ALDH18A1: variants seen among roughly 807,000 people sequenced by gnomAD.
ALDH18A1 encodes delta-1-pyrroline-5-carboxylate synthase.
A neutral mutation model predicts 88.8 loss-of-function variants in ALDH18A1; 44 were observed. The ratio of observed to expected loss-of-function variants is 0.50; its 90% CI spans 0.39 to 0.64. ALDH18A1 has a LOEUF of 0.64. Among genes scored for constraint, ALDH18A1 ranks in the 30% least tolerant of loss-of-function variants. The pLI, the probability that ALDH18A1 is intolerant of heterozygous loss-of-function variation, is 0.00. For missense variants in ALDH18A1, 782 were observed against 1,009.5 expected, an observed-to-expected ratio of 0.77 and a Z score of 3.05; for synonymous variants, 331 against 372.1, an observed-to-expected ratio of 0.89 and a Z score of 1.27.
At chr10:95,626,896 G>T in intron 9 of ALDH18A1, 120 bp from the exon 10 acceptor site, 1 of 994,556 alleles carries the variant, frequency 1.0e-6, no homozygotes, top group Non-Finnish European at 1.6e-6. Flanking sequence ...AGGAACACAT[G>T]ATGTCTTGGT....
intron 3 of ALDH18A1, among the ~76,000 whole-genome samples, chr10:95,639,227 A>G (rs1218584710): frequency 6.6e-6 from 1 of 152,158 alleles, no homozygotes; most frequent in Non-Finnish European, 1.5e-5. Flanking sequence ...GCTACTCAGG[A>G]GGCTGAAGAA....
At chr10:95,633,760 A>G in intron 5 of ALDH18A1, 111 bp from the exon 6 acceptor site, 1 of 1,041,188 alleles carries the variant, frequency 9.6e-7, no homozygotes, top group Non-Finnish European at 1.4e-6. Flanking sequence ...CTGGGGCCCC[A>G]CACAGATTAG....
In ALDH18A1 at chr10:95,606,726, A is replaced by G. The variant is rs757587417; in HGVS notation, c.*36T>C. The G allele has an allele frequency of 5.0e-6, 8 of 1,613,918 alleles. 1 individual carries two copies. The South Asian group carries it at 8.8e-5, about 18-fold the overall frequency. Reference sequence around the variant, plus strand: ...GAGATAAGACAAGTTTAACGTGAAGACCTTTTGGAAAATTCCCGGGTTTTC... The same window carrying G: ...GAGATAAGACAAGTTTAACGTGAAGGCCTTTTGGAAAATTCCCGGGTTTTC... On this transcript the variant is annotated 3_prime_UTR_variant, in exon 18 of 18. Coordinates refer to ENST00000371224, the MANE Select transcript of ALDH18A1 (RefSeq NM_002860.4).
At chr10:95,626,267 C>T (rs1015323856) in intron 10 of ALDH18A1, among the ~76,000 whole-genome samples, 2 of 152,140 alleles carry the variant, frequency 1.3e-5, no homozygotes. Flanking sequence ...CACTTCCAGC[C>T]TCATCATGTC....
intron 10 of ALDH18A1, 54 bp from the exon 11 acceptor site, chr10:95,625,509 C>T: frequency 1.4e-6 from 2 of 1,464,092 alleles, no homozygotes; most frequent in Non-Finnish European, 1.9e-6. Flanking sequence ...AAGAAGAATG[C>T]ACACCACAGT....
intron 2 of ALDH18A1, among the ~76,000 whole-genome samples, chr10:95,650,278 G>A (rs917696201): frequency 6.6e-6 from 1 of 152,172 alleles, no homozygotes; most frequent in East Asian, 1.9e-4. Context: ...CCTCTTAAGA[G>A]AATAAAATGA....
intron 17 of ALDH18A1, among the ~76,000 whole-genome samples, chr10:95,608,125 T>C (rs10786227): frequency 0.38 from 58,314 of 152,164 alleles, 12,880 homozygotes; most frequent in Admixed American, 0.5. Flanking sequence ...GTAAAATCTG[T>C]TACTGTCATT....
rs1033773992 is a variant in ALDH18A1 at position 95,627,553 on chromosome 10, T to C, written c.967A>G (p.Thr323Ala). The C allele has an allele frequency of 3.1e-6, 5 of 1,614,032 alleles. No homozygotes were observed. In the Admixed American group the frequency reaches 6.7e-5, roughly 22 times the overall value. ...KAALWALQGG[T>A]SVVIANGTHP... is the part of the protein sequence containing the mutation. ...GTTCCATTGGCAATAACAACAGAAGTGCCACCTTGCAAAGCCCAGAGGGCT... is the reference window on the plus strand; with the variant it reads ...GTTCCATTGGCAATAACAACAGAAGCGCCACCTTGCAAAGCCCAGAGGGCT... The change falls in exon 9 of 18, where the codon ACT becomes GCT. Residue 323 changes from threonine (T) to alanine (A), a missense_variant. Thr to Ala is a moderately conservative substitution (Grantham distance 58). Around this residue, in one of 3 missense-constraint regions of ALDH18A1, gnomAD observed 556 missense variants for 654.5 expected, o/e 0.85. Coordinates refer to ENST00000371224, the MANE Select transcript of ALDH18A1 (RefSeq NM_002860.4).
chr10:95,608,660 C>T (rs1351335521), intron 17 of ALDH18A1, among the ~76,000 whole-genome samples: 1 of 152,136 alleles, frequency 6.6e-6, no homozygotes, highest in South Asian at 2.1e-4. Context: ...CGCCACCACA[C>T]CTGGATAATT....
intron 3 of ALDH18A1, among the ~76,000 whole-genome samples, chr10:95,639,177 A>T (rs940601003): frequency 2.6e-5 from 4 of 151,654 alleles, no homozygotes; most frequent in African/African-American, 7.3e-5. Flanking sequence ...ATGAAAAATT[A>T]AAAAAAATAA....
intron 13 of ALDH18A1, among the ~76,000 whole-genome samples, chr10:95,615,869 C>T (rs190321117): frequency 1.8e-4 from 27 of 152,222 alleles, no homozygotes; most frequent in Middle Eastern, 3.4e-3. Flanking sequence ...TGTTTTTTCC[C>T]AATGTAGAAA....
intron 13 of ALDH18A1, among the ~76,000 whole-genome samples, chr10:95,614,631 G>A (rs1157587421): frequency 6.6e-6 from 1 of 152,184 alleles, no homozygotes; most frequent in African/African-American, 2.4e-5. Flanking sequence ...TCTTGCTAGG[G>A]AGTCATGGTT....
chr10:95,606,777 CTGAGGA>C lies in ALDH18A1; in HGVS notation c.2367_2372del (p.Ile789_Gln791delinsMet). 6.2e-7 allele frequency: 1 copy of C among 1,614,142 alleles called. No homozygotes were observed. Among genetic ancestry groups the C allele is most frequent in the Non-Finnish European group, 8.5e-7 (1 of 1,180,020 alleles). On this transcript the variant is annotated inframe_deletion, in exon 18 of 18. Coordinates refer to ENST00000371224, the MANE Select transcript of ALDH18A1 (RefSeq NM_002860.4). ...CTGGCTCTTTTCAGTTGGTGTTTCT[CTGAGGA>C]ATAGGGAGGTTCTCATGAAGATATT...
At position 95,633,513 on chromosome 10, in the gene ALDH18A1, T is replaced by C; in HGVS notation, c.695A>G (p.Asn232Ser). 6.2e-7 allele frequency: 1 copy of C among 1,614,152 alleles called. No homozygotes were observed. Among genetic ancestry groups the C allele is most frequent in the Non-Finnish European group, 8.5e-7 (1 of 1,180,026 alleles). Reference protein sequence around the residue: ...NDAVVPPAEPNSDLQGVNVIS... With the variant: ...NDAVVPPAEPSSDLQGVNVIS... ...CACATTTACCCCCTGCAGGTCACTG[T>C]TGGGCTCAGCTGGGGGGACAACAGC... The change falls in exon 6 of 18, where the codon AAC becomes AGC. Residue 232 changes from asparagine (N) to serine (S), a missense_variant. By Grantham distance (46) the Asn-to-Ser change is conservative. Transcript: ENST00000371224.
At chr10:95,650,459 G>C (rs1247921316) in intron 2 of ALDH18A1, among the ~76,000 whole-genome samples, 1 of 152,220 alleles carries the variant, frequency 6.6e-6, no homozygotes, top group African/African-American at 2.4e-5. Context: ...TACGGGGGCA[G>C]ATCCCTGATG....
In ALDH18A1 at chr10:95,610,251, A is replaced by C. The variant is rs1475246164; in HGVS notation, c.2152T>G (p.Cys718Gly). 1.2e-6 allele frequency: 2 copies of C among 1,614,056 alleles called. No homozygotes were observed. ...EFFLQHVDSA[C>G]VFWNASTRFS... ...CGAGTGCTGGCATTCCAGAACACAC[A>C]GGCACTGTCTACGTGCTGCAGGAAG... Residue 718 changes from cysteine to glycine, a missense_variant, in exon 17 of 18, where the codon TGT becomes GGT. Transcript: ENST00000371224.
At chr10:95,635,584 A>C (rs2097879066) in intron 5 of ALDH18A1, among the ~76,000 whole-genome samples, 1 of 152,232 alleles carries the variant, frequency 6.6e-6, no homozygotes, top group South Asian at 2.1e-4. Flanking sequence ...TTACTGAAGA[A>C]AATAAGGAAC....
chr10:95,611,186 G>C, intron 16 of ALDH18A1, 70 bp downstream of exon 16: 2 of 1,583,406 alleles, frequency 1.3e-6, no homozygotes, highest in South Asian at 1.1e-5. Flanking sequence ...AGCCCAAGGG[G>C]GGCTAAGAGG....
At chr10:95,643,574 G>A (rs910203098) in intron 2 of ALDH18A1, among the ~76,000 whole-genome samples, 1 of 152,110 alleles carries the variant, frequency 6.6e-6, no homozygotes, top group Non-Finnish European at 1.5e-5. Flanking sequence ...AAAATCAGAA[G>A]CAGAGTAAAT....
Sources: gnomAD v4.1 joint callset for allele counts (sites outside exome capture counted in the v4.1 genomes callset) on GRCh38, gnomAD v4.1.1 for gene constraint, gnomAD v4.1.1 regional missense constraint, MANE v1.5 for transcripts, NCBI Gene and HGNC (gene_info 2026-07-23, HGNC 2026-07-21) for gene names.